The following GLI3 variants were observed in gnomAD, a reference collection of about 807,000 sequenced individuals.
GLI3 encodes the protein transcription activator GLI3.
In GLI3, 20 loss-of-function variants were observed where a neutral mutation model predicts 100.8. The observed-to-expected ratio is 0.20, with a 90% CI of 0.14 to 0.29. The LOEUF is 0.29. Ranked by LOEUF, GLI3 falls within the 10% of genes least tolerant of loss-of-function variation. GLI3 has a pLI of 1.00. For missense variants in GLI3, 2,040 were observed against 2,128.5 expected (o/e 0.96, Z 0.82); for synonymous variants, 938 against 860.5 (o/e 1.09, Z -1.58).
intron 2 of GLI3, among the ~76,000 whole-genome samples, chr7:42,201,810 G>A (rs930350305): frequency 4.6e-5 from 7 of 152,184 alleles, no homozygotes; most frequent in Admixed American, 2.6e-4. Context: ...TTGGCCGGGC[G>A]CCATGGCTCA....
In GLI3 at chr7:42,029,179, C is replaced by T. The variant is rs562875931; in HGVS notation, c.1029-2767G>A. Among the ~76,000 whole-genome samples, 14 of 152,342 alleles carry T rather than the reference C, an allele frequency of 9.2e-5. No homozygotes were observed. The South Asian group carries it at 2.7e-3, about 29-fold the overall frequency. On this transcript the variant is annotated intron_variant, in intron 7 of 14. Coordinates refer to ENST00000395925, the MANE Select transcript of GLI3 (RefSeq NM_000168.6). ...GGGTATGGGACAGCTTGTCTGGACC[C>T]AGAAGGGCTGGCCCTCGACCTTCTG...
At chr7:42,113,281 G>A (rs1250647298) in intron 3 of GLI3, 8 of 560,044 alleles carry the variant, frequency 1.4e-5, no homozygotes, top group South Asian at 3.1e-5. Flanking sequence ...AAGAAGAGGC[G>A]AGAACGACCC....
intron 3 of GLI3, among the ~76,000 whole-genome samples, chr7:42,080,634 T>C (rs1012135): frequency 0.83 from 126,969 of 152,206 alleles, 53,582 homozygotes; most frequent in East Asian, 0.99. Flanking sequence ...AAGACGTGCT[T>C]GACTATAGCT....
intron 4 of GLI3, among the ~76,000 whole-genome samples, chr7:42,049,267 A>G (rs768393998): frequency 3.3e-5 from 5 of 152,226 alleles, no homozygotes; most frequent in Non-Finnish European, 7.3e-5. Flanking sequence ...CTGCTTAGAA[A>G]TGGGAAATCG....
intron 10 of GLI3, among the ~76,000 whole-genome samples, chr7:42,018,523 T>C (rs550249525): frequency 1.4e-3 from 216 of 152,338 alleles, no homozygotes; most frequent in Non-Finnish European, 2.0e-3. Context: ...GAAAAGAATG[T>C]CTTCACATCC....
chr7:42,148,538 T>C, intron 2 of GLI3, 70 bp from the exon 3 acceptor site: 2 of 1,401,264 alleles, frequency 1.4e-6, no homozygotes, highest in Non-Finnish European at 2.0e-6. Context: ...CATGATCAAT[T>C]AGGTCTCATT....
intron 3 of GLI3, among the ~76,000 whole-genome samples, chr7:42,092,075 C>T (rs1433271167): frequency 6.6e-6 from 1 of 152,216 alleles, no homozygotes; most frequent in African/African-American, 2.4e-5. Flanking sequence ...AAAGCCTTTG[C>T]ACAAATACTT....
rs1787156272 is a variant in GLI3 at position 41,965,869 on chromosome 7, G to A, written c.3204C>T (p.Ser1068=). ...RNFHSSPCPP[S]ITENVTLESL... ...ACTCCAGGGTGACGTTCTCGGTGAT[G>A]CTGGGAGGACAGGGGGACGAGTGGA... Residue 1068 remains serine, a synonymous_variant, in exon 15 of 15, where the codon AGC becomes AGT. Coordinates refer to ENST00000395925, the MANE Select transcript of GLI3 (RefSeq NM_000168.6). The A allele has an allele frequency of 1.2e-6, 2 of 1,613,826 alleles. No homozygotes were observed. Among genetic ancestry groups the A allele is most frequent in the Non-Finnish European group, 1.7e-6 (2 of 1,179,930 alleles).
intron 4 of GLI3, among the ~76,000 whole-genome samples, chr7:42,050,654 A>T (rs1050889093): frequency 2.4e-4 from 36 of 152,348 alleles, no homozygotes; most frequent in East Asian, 1.9e-4. Flanking sequence ...CGAATGCAGA[A>T]GAGCTGTTTC....
chr7:42,112,755 A>G (rs972824747), intron 3 of GLI3, among the ~76,000 whole-genome samples: 1 of 152,120 alleles, frequency 6.6e-6, no homozygotes, highest in Non-Finnish European at 1.5e-5. Flanking sequence ...TGTTCTCCCT[A>G]TGAAGAAGGT....
chr7:42,177,603 A>T (rs1787506472), intron 2 of GLI3, among the ~76,000 whole-genome samples: 1 of 152,224 alleles, frequency 6.6e-6, no homozygotes, highest in Non-Finnish European at 1.5e-5. Context: ...AAACATGTAG[A>T]TATTCAAAAT....
intron 2 of GLI3, chr7:42,222,831 T>C (rs528915114): frequency 2.7e-6 from 1 of 376,100 alleles, no homozygotes; most frequent in Non-Finnish European, 5.1e-6. Flanking sequence ...TTTTGAACTC[T>C]TGCCAGACTA....
At chr7:42,236,221 T>C (rs1014728603) in intron 1 of GLI3, among the ~76,000 whole-genome samples, 4 of 152,136 alleles carry the variant, frequency 2.6e-5, no homozygotes, top group African/African-American at 9.7e-5. Flanking sequence ...TCCCGCCCGT[T>C]TTCCCGCTGC....
At chr7:41,990,238 T>C (rs181577779) in intron 10 of GLI3, among the ~76,000 whole-genome samples, 35 of 152,018 alleles carry the variant, frequency 2.3e-4, no homozygotes, top group Non-Finnish European at 1.5e-5. Flanking sequence ...TGTTGGAAAA[T>C]CAAGCTACTA....
intron 10 of GLI3, among the ~76,000 whole-genome samples, chr7:42,017,448 G>A (rs898423731): frequency 6.6e-6 from 1 of 152,012 alleles, no homozygotes; most frequent in Non-Finnish European, 1.5e-5. Context: ...CTCCACCTGG[G>A]GGCAGTCACC....
intron 7 of GLI3, among the ~76,000 whole-genome samples, chr7:42,034,678 T>C (rs1276470527): frequency 6.6e-6 from 1 of 152,122 alleles, no homozygotes; most frequent in Non-Finnish European, 1.5e-5. Context: ...CCAGGGTATC[T>C]TGTCATCATC....
At chr7:42,119,634 C>T (rs1197136242) in intron 3 of GLI3, among the ~76,000 whole-genome samples, 1 of 152,134 alleles carries the variant, frequency 6.6e-6, no homozygotes, top group Non-Finnish European at 1.5e-5. Context: ...GTAAAATATT[C>T]CCAGATTTCC....
intron 10 of GLI3, among the ~76,000 whole-genome samples, chr7:41,980,443 A>G (rs1299805275): frequency 1.3e-5 from 2 of 152,206 alleles, no homozygotes; most frequent in Non-Finnish European, 2.9e-5. Context: ...AACCAAGCTC[A>G]CATCTTACAG....
intron 2 of GLI3, among the ~76,000 whole-genome samples, chr7:42,158,185 C>A (rs982559507): frequency 6.6e-6 from 1 of 152,224 alleles, no homozygotes; most frequent in Non-Finnish European, 1.5e-5. Flanking sequence ...CTATACTCTG[C>A]GCCTCACATT....
Sources: gnomAD v4.1 joint callset for allele counts (sites outside exome capture counted in the v4.1 genomes callset) on GRCh38, gnomAD v4.1.1 for gene constraint, MANE v1.5 for transcripts, NCBI Gene and HGNC (gene_info 2026-07-23, HGNC 2026-07-21) for gene names.